SUMF1: variants seen among roughly 807,000 people sequenced by gnomAD.
SUMF1 encodes sulfatase modifying factor 1.
A neutral mutation model predicts 47.6 loss-of-function variants in SUMF1; 48 were observed. The ratio of observed to expected loss-of-function variants is 1.01; its 90% confidence interval spans 0.80 to 1.28. The LOEUF (loss-of-function observed/expected upper bound fraction) is 1.28, where lower values mean the gene tolerates loss of function less well. Ranked by LOEUF, SUMF1 falls within the 50% of genes most tolerant of loss-of-function variation. The pLI, the probability that SUMF1 is intolerant of heterozygous loss-of-function variation, is 0.00. For synonymous variants in SUMF1, 230 were observed against 192.1 expected (o/e 1.20, Z -1.63); for missense variants, 571 against 485.4 (o/e 1.18, Z -1.66).
chr3:4,036,160 C>G (rs1006868622), intron 9 of SUMF1, among the ~76,000 whole-genome samples: 3 of 152,092 alleles, frequency 2.0e-5, no homozygotes, highest in Admixed American at 6.6e-5. Context: ...AAACATTTAT[C>G]CCAGTGCCTA....
chr3:4,251,404 G>A (rs990789497), intron 8 of SUMF1, among the ~76,000 whole-genome samples: 6 of 152,204 alleles, frequency 3.9e-5, no homozygotes, highest in Admixed American at 3.9e-4. Flanking sequence ...CAACATTGTT[G>A]AAATGACAAC....
Position 4,424,739 on chromosome 3 carries a change from G to A in SUMF1, c.520-4593C>T, listed in dbSNP as rs185701831. Among the ~76,000 whole-genome samples, 133 of 152,214 alleles carry A rather than the reference G, an allele frequency of 8.7e-4. 1 individual carries two copies. The highest frequency in any genetic ancestry group is 6.6e-3 in the Admixed American group (101 of 15,278). On this transcript the variant is annotated intron_variant, in intron 3 of 8. Transcript: ENST00000272902. ...ACCTATAGAATACACATTTGATTCCGTTTCTATAAAATGTATGCATAACAA... is the reference window on the plus strand; with the variant it reads ...ACCTATAGAATACACATTTGATTCCATTTCTATAAAATGTATGCATAACAA...
At chr3:4,332,486 C>A (rs1430204300) in intron 8 of SUMF1, among the ~76,000 whole-genome samples, 1 of 152,136 alleles carries the variant, frequency 6.6e-6, no homozygotes, top group African/African-American at 2.4e-5. Context: ...AGTAAAAGTT[C>A]AATTAAGAGA....
intron 8 of SUMF1, among the ~76,000 whole-genome samples, chr3:4,328,687 T>A (rs548859436): frequency 6.6e-6 from 1 of 152,276 alleles, no homozygotes; most frequent in South Asian, 2.1e-4. Flanking sequence ...AACCATATCA[T>A]TCTGCCCCTC....
intron 5 of SUMF1, 46 bp downstream of exon 5, chr3:4,417,964 T>G: frequency 6.2e-7 from 1 of 1,613,406 alleles, no homozygotes; most frequent in Non-Finnish European, 8.5e-7. Flanking sequence ...GTTTGTTTGT[T>G]CAAATGACCA....
intron 8 of SUMF1, among the ~76,000 whole-genome samples, chr3:4,367,648 A>G (rs1700023592): frequency 6.6e-6 from 1 of 152,200 alleles, no homozygotes; most frequent in African/African-American, 2.4e-5. Context: ...ATATAGATCA[A>G]TGGAACAGAA....
At chr3:4,108,395 T>C (rs1559477264) in intron 8 of SUMF1, among the ~76,000 whole-genome samples, 1 of 152,106 alleles carries the variant, frequency 6.6e-6, no homozygotes, top group African/African-American at 2.4e-5. Context: ...AGAATGTATA[T>C]TCTGTTGATT....
chr3:4,450,509 G>T (rs995315602), intron 2 of SUMF1, among the ~76,000 whole-genome samples: 1 of 151,976 alleles, frequency 6.6e-6, no homozygotes, highest in African/African-American at 2.4e-5. Context: ...AACTACCTAA[G>T]CCATTTAGTT....
intron 9 of SUMF1, among the ~76,000 whole-genome samples, chr3:4,065,808 A>C (rs1490751940): frequency 1.3e-5 from 2 of 152,144 alleles, no homozygotes; most frequent in Non-Finnish European, 2.9e-5. Flanking sequence ...AAGGATTGCT[A>C]TAGTAACCTG....
At chr3:4,181,342 C>T (rs775057223) in intron 8 of SUMF1, among the ~76,000 whole-genome samples, 3 of 152,036 alleles carry the variant, frequency 2.0e-5, no homozygotes. Flanking sequence ...GATTATGGTT[C>T]GAAGCTTAAA....
At chr3:4,410,270 C>T (rs983952567) in intron 7 of SUMF1, among the ~76,000 whole-genome samples, 3 of 152,176 alleles carry the variant, frequency 2.0e-5, no homozygotes, top group African/African-American at 7.2e-5. Context: ...TTGCATTCAA[C>T]ATTTTTCACA....
chr3:4,223,033 C>G (rs1278858251), intron 8 of SUMF1, among the ~76,000 whole-genome samples: 1 of 152,050 alleles, frequency 6.6e-6, no homozygotes, highest in Admixed American at 6.6e-5. Context: ...CCACGTTTTT[C>G]TCTGTGCTGT....
rs975694131 is a variant in SUMF1, at chr3:4,466,979, T to G, written c.267A>C (p.Ser89=). ...CTCGGAGGAATCGATGGAGCACCTT[T>G]GAGTGCGCGAGTTGCCGCTCTCCGG... The part of the protein sequence containing the change: ...PVPGERQLAH[S]KMVPIPAGVF... Residue 89 remains serine (S), a synonymous_variant, in exon 1 of 9, where the codon TCA becomes TCC. Coordinates refer to ENST00000272902, the MANE Select transcript of SUMF1 (RefSeq NM_182760.4). The G allele has an allele frequency of 1.9e-6, 3 of 1,604,368 alleles. No individual in the cohort carries two copies. In the African/African-American group the frequency reaches 4.0e-5, roughly 21 times the overall value.
intron 1 of SUMF1, among the ~76,000 whole-genome samples, chr3:4,461,339 G>A (rs1002767857): frequency 7.2e-5 from 11 of 152,140 alleles, no homozygotes; most frequent in African/African-American, 2.7e-4. Flanking sequence ...CTACAAAGAA[G>A]TAGAAAAATT....
At chr3:4,190,446 A>T (rs1695290880) in intron 8 of SUMF1, among the ~76,000 whole-genome samples, 1 of 144,068 alleles carries the variant, frequency 6.9e-6, no homozygotes, top group Non-Finnish European at 1.5e-5. Flanking sequence ...AACTTATCAC[A>T]TGGGGCATCT....
intron 8 of SUMF1, among the ~76,000 whole-genome samples, chr3:4,121,295 A>G (rs1353805704): frequency 6.6e-6 from 1 of 152,214 alleles, no homozygotes; most frequent in Non-Finnish European, 1.5e-5. Context: ...TGACCTCTCC[A>G]AGGTCAAATA....
chr3:4,071,966 A>G (rs1202303763), intron 8 of SUMF1, among the ~76,000 whole-genome samples: 1 of 152,170 alleles, frequency 6.6e-6, no homozygotes, highest in African/African-American at 2.4e-5. Context: ...TGCCTTGTCA[A>G]GTGGGTCCCT....
chr3:4,400,294 A>G (rs1007228492), intron 7 of SUMF1, among the ~76,000 whole-genome samples: 9 of 152,198 alleles, frequency 5.9e-5, no homozygotes, highest in African/African-American at 2.2e-4. Flanking sequence ...AGTATAGGAA[A>G]GGAATAAACA....
At chr3:4,390,134 GA>G (rs960900447) in intron 7 of SUMF1, among the ~76,000 whole-genome samples, 1 of 152,222 alleles carries the variant, frequency 6.6e-6, no homozygotes, top group African/African-American at 2.4e-5. Flanking sequence ...GGGGAAGAGA[GA>G]AGGTGTGATC....
Sources: allele counts gnomAD v4.1 joint callset (sites outside exome capture counted in the v4.1 genomes callset), GRCh38; gene constraint gnomAD v4.1.1; transcripts MANE v1.5; gene names NCBI Gene and HGNC (gene_info 2026-07-23, HGNC 2026-07-21).